The following COP1 variants were observed in gnomAD, a reference collection of about 807,000 sequenced individuals.
COP1 encodes the protein COP1 E3 ubiquitin ligase, also known as E3 ubiquitin-protein ligase COP1.
COP1 carries 24 observed loss-of-function variants against 101.3 expected under a neutral mutation model. The observed-to-expected ratio is 0.24, with a 90% CI of 0.17 to 0.33. The LOEUF (loss-of-function observed/expected upper bound fraction) is 0.33, where lower values mean the gene tolerates loss of function less well. COP1 is among the 10% of genes least tolerant of loss of function. COP1 has a pLI of 1.00. For missense variants in COP1, 663 were observed against 906.2 expected (o/e 0.73, Z 3.45); for synonymous variants, 347 against 341.9 (o/e 1.01, Z -0.17).
intron 14 of COP1, among the ~76,000 whole-genome samples, chr1:176,033,283 G>A (rs992990066): frequency 5.3e-5 from 8 of 152,024 alleles, no homozygotes; most frequent in African/African-American, 1.7e-4. Flanking sequence ...CTGTCGGGGC[G>A]AGGGTGGGGG....
intron 5 of COP1, among the ~76,000 whole-genome samples, chr1:176,159,995 A>C (rs1056727362): frequency 4.6e-5 from 7 of 152,312 alleles, no homozygotes; most frequent in Middle Eastern, 3.4e-3. Context: ...GGAAAGATTC[A>C]GGTTAAATAA....
intron 8 of COP1, among the ~76,000 whole-genome samples, chr1:176,120,461 C>CA (rs1220488247): frequency 1.3e-5 from 2 of 151,556 alleles, no homozygotes; most frequent in Non-Finnish European, 2.9e-5. Flanking sequence ...ATAAAGACAT[C>CA]AAAAAACGTC....
At chr1:176,033,943 C>A (rs1464324599) in intron 14 of COP1, among the ~76,000 whole-genome samples, 2 of 152,030 alleles carry the variant, frequency 1.3e-5, no homozygotes, top group East Asian at 3.9e-4. Context: ...ATATGATCGC[C>A]AAACAGACAA....
At chr1:176,171,656 A>G (rs917519509) in intron 3 of COP1, among the ~76,000 whole-genome samples, 1 of 151,456 alleles carries the variant, frequency 6.6e-6, no homozygotes, top group African/African-American at 2.5e-5. Flanking sequence ...CAAGAGACTT[A>G]ATGCAGGGTT....
chr1:176,094,577 T>A (rs1681985745), intron 9 of COP1, among the ~76,000 whole-genome samples: 1 of 151,796 alleles, frequency 6.6e-6, no homozygotes, highest in Admixed American at 6.6e-5. Flanking sequence ...CTAGCTTGGT[T>A]CTAAAGAAAA....
intron 11 of COP1, among the ~76,000 whole-genome samples, chr1:176,077,223 C>T (rs369503346): frequency 1.3e-5 from 2 of 152,030 alleles, no homozygotes; most frequent in African/African-American, 2.4e-5. Flanking sequence ...CAAAAATCCT[C>T]GACAAAATAC....
rs138755500 is a variant in COP1, at chr1:176,196,638, C to T, written c.407+9934G>A. On this transcript the variant is annotated intron_variant, in intron 1 of 19. Coordinates refer to ENST00000367669, the MANE Select transcript of COP1 (RefSeq NM_022457.7). ...AAATCATACAAAATATATGAAGACC[C>T]AAAACTATGGCTTCACCAGTAAGTT... is the stretch of plus-strand genomic sequence containing the variant. Among the ~76,000 whole-genome samples the T allele has an allele frequency of 2.6e-3, 398 of 152,168 alleles. 3 individuals are homozygous for T. Among genetic ancestry groups the T allele is most frequent in the African/African-American group, 9.2e-3 (380 of 41,512 alleles).
intron 17 of COP1, 141 bp downstream of exon 17, chr1:175,988,147 G>A (rs1657562927): frequency 2.8e-6 from 2 of 720,442 alleles, no homozygotes; most frequent in Non-Finnish European, 4.4e-6. Flanking sequence ...AAAATCAGTA[G>A]TGCTGGGGCA....
intron 1 of COP1, among the ~76,000 whole-genome samples, chr1:176,195,154 GAGGGAAAGAGGA>G (rs915988072): frequency 2.8e-5 from 4 of 142,532 alleles, no homozygotes; most frequent in African/African-American, 1.0e-4. Flanking sequence ...AGGGAGAAGA[GAGGGAAAGAGGA>G]AGGGAGGGAG....
At chr1:176,100,743 C>T (rs1683263807) in intron 9 of COP1, among the ~76,000 whole-genome samples, 1 of 152,138 alleles carries the variant, frequency 6.6e-6, no homozygotes, top group African/African-American at 2.4e-5. Context: ...GCAGGCATAA[C>T]TATATCCACC....
intron 18 of COP1, among the ~76,000 whole-genome samples, chr1:175,950,390 C>A (rs1348418229): frequency 6.6e-6 from 1 of 151,914 alleles, no homozygotes; most frequent in East Asian, 1.9e-4. Flanking sequence ...TAGATATTGG[C>A]TTAAGATAAA....
At chr1:176,171,124 C>CAAAAAAAA (rs1174700907) in intron 3 of COP1, among the ~76,000 whole-genome samples, 5 of 56,828 alleles carry the variant, frequency 8.8e-5, no homozygotes, top group East Asian at 5.8e-4. Context: ...GACTCCATCT[C>CAAAAAAAA]AAAAAAAAAA....
chr1:176,138,922 T>G (rs1271215877), intron 6 of COP1, among the ~76,000 whole-genome samples: 1 of 152,162 alleles, frequency 6.6e-6, no homozygotes, highest in Non-Finnish European at 1.5e-5. Context: ...TTAACTACCT[T>G]AAAATGTTCC....
At position 175,988,348 on chromosome 1, in the gene COP1, C is replaced by G. The variant is rs1189137912; in HGVS notation, c.1912G>C (p.Gly638Arg). The G allele has an allele frequency of 6.2e-7, 1 of 1,611,760 alleles. No homozygotes were observed. Among genetic ancestry groups the G allele is most frequent in the Non-Finnish European group, 8.5e-7 (1 of 1,178,334 alleles). ...ACAAAGTTTTTTTCATTGATATGACCCTTGAAGGAACGTAGGCAGTATGGT... is the reference window on the plus strand; with the variant it reads ...ACAAAGTTTTTTTCATTGATATGACGCTTGAAGGAACGTAGGCAGTATGGT... The part of the protein sequence containing the change: ...GKPYCLRSFK[G>R]HINEKNFVGL... Residue 638 changes from glycine (G) to arginine (R), a missense_variant, in exon 17 of 20, where the codon GGT (glycine) becomes CGT (arginine). By Grantham distance (125) the Gly-to-Arg change is moderately radical (BLOSUM62 -2). Coordinates refer to ENST00000367669, the MANE Select transcript of COP1 (RefSeq NM_022457.7).
At chr1:176,172,407 T>C (rs1696216769) in intron 3 of COP1, among the ~76,000 whole-genome samples, 1 of 152,216 alleles carries the variant, frequency 6.6e-6, no homozygotes, top group Non-Finnish European at 1.5e-5. Context: ...CTTAAAAATA[T>C]GCACGGATCA....
intron 15 of COP1, among the ~76,000 whole-genome samples, chr1:176,006,362 T>A (rs958896337): frequency 6.6e-6 from 1 of 152,198 alleles, no homozygotes; most frequent in African/African-American, 2.4e-5. Context: ...AAAGTTAATA[T>A]TGTTATGTGT....
At chr1:176,149,231 T>A (rs1186974722) in intron 5 of COP1, among the ~76,000 whole-genome samples, 157 bp from the exon 6 acceptor site, 1 of 152,116 alleles carries the variant, frequency 6.6e-6, no homozygotes, top group Non-Finnish European at 1.5e-5. Flanking sequence ...ATTTGCTAAT[T>A]GGCATTTTTA....
At chr1:175,983,021 A>G (rs1456723458) in intron 18 of COP1, among the ~76,000 whole-genome samples, 1 of 152,238 alleles carries the variant, frequency 6.6e-6, no homozygotes, top group Admixed American at 6.5e-5. Flanking sequence ...TGTTAAGAGA[A>G]TAAGATTTTA....
intron 14 of COP1, among the ~76,000 whole-genome samples, chr1:176,036,568 T>C (rs972911813): frequency 4.7e-5 from 7 of 149,414 alleles, no homozygotes; most frequent in Admixed American, 1.3e-4. Flanking sequence ...ATTACAAATA[T>C]AGACAGTCCC....
Sources: allele counts gnomAD v4.1 joint callset (sites outside exome capture counted in the v4.1 genomes callset), GRCh38; gene constraint gnomAD v4.1.1; transcripts MANE v1.5; gene names NCBI Gene and HGNC (gene_info 2026-07-23, HGNC 2026-07-21).